Variants in USP1 observed in about 807,000 individuals in gnomAD.
USP1 encodes the protein ubiquitin specific peptidase 1.
Under a neutral mutation model 72.2 loss-of-function variants are expected in USP1, and 18 were observed. That is an observed-to-expected ratio of 0.25 (90% CI 0.17 to 0.37). The LOEUF is 0.37. Among genes scored for constraint, USP1 ranks in the 10% least tolerant of loss-of-function variants. USP1 has a pLI of 1.00. For synonymous variants in USP1, 354 were observed against 303.7 expected, an observed-to-expected ratio of 1.17 and a Z score of -1.72; for missense variants, 759 against 884.9, an observed-to-expected ratio of 0.86 and a Z score of 1.81.
chr1:62,451,512 A>C lies in USP1; in HGVS notation c.*531A>C, dbSNP rs1331599475. The C allele has an allele frequency of 6.5e-6, 1 of 152,748 alleles. No individual in the cohort carries two copies. The highest frequency in any genetic ancestry group is 1.5e-5 in the Non-Finnish European group (1 of 68,144). 9.5% of individuals were successfully genotyped at this position (152,748 alleles called of 1,614,324 possible). ...CATTTTGTGCCTTGATTCACTTAGA[A>C]GTGTCTCAGAAAACCTGGACAGTTC... On this transcript the variant is annotated 3_prime_UTR_variant, in exon 9 of 9. Coordinates refer to ENST00000339950, the MANE Select transcript of USP1 (RefSeq NM_003368.5).
rs754051264 is a variant in USP1, at chr1:62,442,250, T to C, written c.347T>C (p.Ile116Thr). Reference protein sequence around the residue: ...KSGVKHLFNIISRKKEALKDE... With the variant: ...KSGVKHLFNITSRKKEALKDE... ...GGAGTAAAGCACTTATTTAATATTATTTCAAGGAAGAAAGAAGCTCTAAAG... is the reference window on the plus strand; with the variant it reads ...GGAGTAAAGCACTTATTTAATATTACTTCAAGGAAGAAAGAAGCTCTAAAG... Residue 116 changes from isoleucine to threonine, a missense_variant, in exon 4 of 9, where the codon ATT becomes ACT. Physicochemically the swap from Ile to Thr is moderately conservative, Grantham distance 89 (BLOSUM62 -1). Coordinates refer to ENST00000339950, the MANE Select transcript of USP1 (RefSeq NM_003368.5). 1.2e-6 allele frequency: 2 copies of C among 1,606,240 alleles called. No homozygotes were observed. The highest frequency in any genetic ancestry group is 1.7e-6 in the Non-Finnish European group (2 of 1,174,870).
At chr1:62,446,137 T>G (rs1320744941) in intron 6 of USP1, among the ~76,000 whole-genome samples, 1 of 151,726 alleles carries the variant, frequency 6.6e-6, no homozygotes, top group Non-Finnish European at 1.5e-5. Context: ...CATGTGTTGC[T>G]TAACAACAGG....
intron 8 of USP1, among the ~76,000 whole-genome samples, chr1:62,449,170 C>G (rs1645196592): frequency 6.6e-6 from 1 of 152,226 alleles, no homozygotes; most frequent in African/African-American, 2.4e-5. Context: ...AGGCGTGAGC[C>G]ACCATGCCCG....
At chr1:62,440,535 TAAATC>T (rs1182703821) in intron 2 of USP1, among the ~76,000 whole-genome samples, 2 of 152,140 alleles carry the variant, frequency 1.3e-5, no homozygotes, top group Non-Finnish European at 1.5e-5. Flanking sequence ...CTACAGAAAA[TAAATC>T]AGAACAAAGT....
At chr1:62,447,108 C>T (rs1330502253) in intron 6 of USP1, among the ~76,000 whole-genome samples, 5 of 152,102 alleles carry the variant, frequency 3.3e-5, no homozygotes, top group South Asian at 2.1e-4. Context: ...CCACTGTGCC[C>T]GGCCTACAAC....
At chr1:62,441,212 C>G (rs1041595503) in intron 2 of USP1, among the ~76,000 whole-genome samples, 1 of 152,108 alleles carries the variant, frequency 6.6e-6, no homozygotes, top group Non-Finnish European at 1.5e-5. Flanking sequence ...TCTCTCAGTT[C>G]CTCAATTTTC....
chr1:62,441,455 A>T, intron 2 of USP1, 33 bp from the exon 3 acceptor site: 1 of 1,546,702 alleles, frequency 6.5e-7, no homozygotes, highest in Non-Finnish European at 8.7e-7. Flanking sequence ...CTTTAAGATA[A>T]CTACTTATCG....
chr1:62,450,008 A>C (rs1412697866), intron 8 of USP1, among the ~76,000 whole-genome samples: 1 of 152,148 alleles, frequency 6.6e-6, no homozygotes, highest in Non-Finnish European at 1.5e-5. Context: ...ATAAAGGAAA[A>C]AATACAATTA....
In USP1 at chr1:62,451,571, A is replaced by T. The variant is rs910779936; in HGVS notation, c.*590A>T. 6.5e-6 allele frequency: 1 copy of T among 152,782 alleles called. No homozygotes were observed. Among genetic ancestry groups the T allele is most frequent in the Non-Finnish European group, 1.5e-5 (1 of 68,168 alleles). The allele number at this position is 152,782 out of a possible 1,614,324, so 9.5% of individuals were successfully genotyped here. A position where few individuals can be genotyped will look rare whatever the true frequency, so the allele number is the denominator to read the frequency against. On this transcript the variant is annotated 3_prime_UTR_variant, in exon 9 of 9. Coordinates refer to ENST00000339950, the MANE Select transcript of USP1 (RefSeq NM_003368.5). The stretch of plus-strand genomic sequence containing the variant: ...ACAAGAATTTTATATGTATTTATGA[A>T]GATGATTCTGTACCCTAGTATATCT...
chr1:62,440,057 G>A lies in USP1; in HGVS notation c.170+20G>A. On this transcript the variant is annotated intron_variant, in intron 2 of 8. Coordinates refer to ENST00000339950, the MANE Select transcript of USP1 (RefSeq NM_003368.5). ...TGAAATGTATGTATCTTACATTTCT[G>A]TACTTTAAAAATTCTACAGTAAAGC... 7.1e-7 allele frequency: 1 copy of A among 1,413,748 alleles called. No individual in the cohort carries two copies. Among genetic ancestry groups the A allele is most frequent in the East Asian group, 2.6e-5 (1 of 37,894 alleles). 87.6% of individuals were successfully genotyped at this position (1,413,748 alleles called of 1,614,324 possible).
chr1:62,450,548 A>C lies in USP1; in HGVS notation c.1925A>C (p.Glu642Ala), dbSNP rs1645207677. The change falls in exon 9 of 9, where the codon GAA becomes GCA. Residue 642 changes from glutamate to alanine, a missense_variant. By Grantham distance (107) the Glu-to-Ala change is moderately radical. This residue lies in a region of USP1 where 159 missense variants were observed against 140.9 expected (regional missense o/e 1.13). Transcript: ENST00000339950. ...GGTGTGGTTGAGAATTATAATGATG[A>C]AGAAGTGTCAATTAGAGTTGGTGGA... Reference protein sequence around the residue: ...ARGVVENYNDEEVSIRVGGNT... With the variant: ...ARGVVENYNDAEVSIRVGGNT... 1 of 1,613,922 alleles carries C rather than the reference A, an allele frequency of 6.2e-7. No individual in the cohort carries two copies. The highest frequency in any genetic ancestry group is 8.5e-7 in the Non-Finnish European group (1 of 1,179,986).
intron 5 of USP1, 128 bp downstream of exon 5, chr1:62,443,447 A>G (rs907699705): frequency 3.1e-6 from 3 of 972,046 alleles, no homozygotes; most frequent in South Asian, 2.7e-5. Flanking sequence ...ACAGTCCTTT[A>G]TATCCCAGAG....
intron 4 of USP1, among the ~76,000 whole-genome samples, chr1:62,442,757 T>C (rs1381900501): frequency 2.0e-5 from 3 of 152,164 alleles, no homozygotes; most frequent in African/African-American, 7.2e-5. Flanking sequence ...CCCAGCAGTT[T>C]GGGAGGTCAA....
At chr1:62,442,499 A>G (rs951852630) in intron 4 of USP1, among the ~76,000 whole-genome samples, 200 bp downstream of exon 4, 3 of 152,064 alleles carry the variant, frequency 2.0e-5, no homozygotes, top group Non-Finnish European at 2.9e-5. Context: ...TGCTCCTGTA[A>G]TCTGTGTATC....
intron 2 of USP1, 98 bp from the exon 3 acceptor site, chr1:62,441,390 T>G: frequency 7.5e-7 from 1 of 1,340,292 alleles, no homozygotes; most frequent in Non-Finnish European, 9.8e-7. Context: ...CTTTTCAGAT[T>G]ATACAACTTT....
intron 3 of USP1, among the ~76,000 whole-genome samples, chr1:62,441,828 G>GT (rs1307047175): frequency 2.6e-5 from 4 of 152,216 alleles, no homozygotes; most frequent in Admixed American, 2.6e-4. Context: ...GCAAAATTGA[G>GT]TAGACCTTAA....
At chr1:62,448,949 C>T (rs1268938529) in intron 8 of USP1, among the ~76,000 whole-genome samples, 2 of 152,084 alleles carry the variant, frequency 1.3e-5, no homozygotes, top group African/African-American at 4.8e-5. Flanking sequence ...GTGGCACAGC[C>T]TCAGCTCACT....
At chr1:62,442,086 T>G (rs911768095) in intron 3 of USP1, 109 bp from the exon 4 acceptor site, 6 of 716,958 alleles carry the variant, frequency 8.4e-6, no homozygotes, top group Non-Finnish European at 1.3e-5. Flanking sequence ...TCTCAGAATT[T>G]TAGGGTAATA....
Position 62,445,324 on chromosome 1 carries a change from T to G in USP1, c.1144T>G (p.Leu382Val), listed in dbSNP as rs777952006. The change falls in exon 6 of 9, where the codon TTG becomes GTG. Residue 382 changes from leucine to valine, a missense_variant. Coordinates refer to ENST00000339950, the MANE Select transcript of USP1 (RefSeq NM_003368.5). ...AAATGAATGTGATCCTGAAGAGGAC[T>G]TGGGGAAGTGTGAAAGTGATAACAC... Reference protein sequence around the residue: ...KENECDPEEDLGKCESDNTTN... With the variant: ...KENECDPEEDVGKCESDNTTN... 2 of 1,613,490 alleles carry G rather than the reference T, an allele frequency of 1.2e-6. No homozygotes were observed. The highest frequency in any genetic ancestry group is 3.3e-5 in the Admixed American group (2 of 59,928).
Sources: allele counts gnomAD v4.1 joint callset (sites outside exome capture counted in the v4.1 genomes callset), GRCh38; gene constraint gnomAD v4.1.1; regional missense constraint gnomAD v4.1.1; transcripts MANE v1.5; gene names NCBI Gene and HGNC (gene_info 2026-07-23, HGNC 2026-07-21).